The following PCGF5 variants were observed in gnomAD, a reference collection of about 807,000 sequenced individuals.
PCGF5 encodes the protein polycomb group RING finger protein 5.
PCGF5 carries 9 observed loss-of-function variants against 44.3 expected under a neutral mutation model. The ratio of observed to expected loss-of-function variants is 0.20; its 90% CI spans 0.12 to 0.35. PCGF5 has a LOEUF of 0.35. Among genes scored for constraint, PCGF5 ranks in the 10% least tolerant of loss-of-function variants. PCGF5 has a pLI of 1.00. For missense variants in PCGF5, 146 were observed against 305.3 expected (o/e 0.48, Z 3.89); for synonymous variants, 95 against 102.5 (o/e 0.93, Z 0.44).
At chr10:91,167,439 G>GA (rs1376792560) in intron 1 of PCGF5, among the ~76,000 whole-genome samples, 7 of 152,096 alleles carry the variant, frequency 4.6e-5, no homozygotes, top group Non-Finnish European at 1.0e-4. Flanking sequence ...TTTCTAGCCA[G>GA]AAAAAAGGTA....
At chr10:91,266,164 A>G (rs2133431416) in intron 8 of PCGF5, among the ~76,000 whole-genome samples, 1 of 152,264 alleles carries the variant, frequency 6.6e-6, no homozygotes, top group East Asian at 1.9e-4. Context: ...ATTGTGTTGA[A>G]TGTAACTTCA....
chr10:91,170,823 A>C (rs1331643173), intron 1 of PCGF5, among the ~76,000 whole-genome samples: 1 of 152,240 alleles, frequency 6.6e-6, no homozygotes, highest in African/African-American at 2.4e-5. Context: ...TGTTTATAGT[A>C]GCTTTCTTCA....
intron 2 of PCGF5, among the ~76,000 whole-genome samples, chr10:91,237,899 C>T (rs1337807906): frequency 6.6e-6 from 1 of 152,100 alleles, no homozygotes; most frequent in Non-Finnish European, 1.5e-5. Context: ...AATAAACTCA[C>T]CTCTTGATAG....
chr10:91,275,607 A>ATTTTTTTTTT (rs72439811), intron 9 of PCGF5, among the ~76,000 whole-genome samples: 2 of 128,866 alleles, frequency 1.6e-5, no homozygotes, highest in Admixed American at 7.9e-5. Context: ...TGCCCGGCTA[A>ATTTTTTTTTT]TTTTTTTTTT....
intron 1 of PCGF5, among the ~76,000 whole-genome samples, chr10:91,182,349 G>A (rs545137785): frequency 3.3e-5 from 5 of 152,194 alleles, no homozygotes; most frequent in African/African-American, 1.2e-4. Context: ...TAAGCATAGA[G>A]GTGTTTATAA....
intron 2 of PCGF5, chr10:91,227,778 TCA>T: frequency 1.0e-6 from 1 of 994,642 alleles, no homozygotes; most frequent in Non-Finnish European, 1.2e-6. Flanking sequence ...CACCTAACAC[TCA>T]CACATACAAA....
In PCGF5 at chr10:91,206,008, C is replaced by T. The variant is rs563709781; in HGVS notation, c.-183-16681C>T. On this transcript the variant is annotated intron_variant, in intron 1 of 9. Transcript: ENST00000614189. ...CTGCACTCCGACCTGGGTGACGGAC[C>T]GCGACTCTGTCAAAAAACAAACAAA... Among the ~76,000 whole-genome samples, 5 of 152,142 alleles carry T rather than the reference C, an allele frequency of 3.3e-5. No individual in the cohort carries two copies. The South Asian group carries it at 6.2e-4, about 19-fold the overall frequency.
At chr10:91,277,049 G>A (rs1846334261) in intron 9 of PCGF5, among the ~76,000 whole-genome samples, 1 of 152,194 alleles carries the variant, frequency 6.6e-6, no homozygotes, top group East Asian at 1.9e-4. Context: ...AACCCTGAGA[G>A]ACTGTCTTGA....
At chr10:91,216,838 G>T (rs926416940), upstream of PCGF5, among the ~76,000 whole-genome samples, 1 of 152,134 alleles carries the variant, frequency 6.6e-6, no homozygotes, top group Non-Finnish European at 1.5e-5. Flanking sequence ...GGCAAACATA[G>T]ATTTAGAGTT....
rs542091578 is a variant in PCGF5, at chr10:91,243,057, G to A, written c.209+2477G>A. On this transcript the variant is annotated intron_variant, in intron 3 of 9. Coordinates refer to ENST00000336126, the MANE Select transcript of PCGF5 (RefSeq NM_032373.5). Reference sequence around the variant, plus strand: ...CAGCTGGGATAGCTCCTCATGATAGGTTCTCAGTAAACACTTTTTAAAGGA... The same window carrying A: ...CAGCTGGGATAGCTCCTCATGATAGATTCTCAGTAAACACTTTTTAAAGGA... 4.6e-5 allele frequency among the ~76,000 whole-genome samples: 7 copies of A among 152,218 alleles called. No homozygotes were observed. The South Asian group carries it at 1.0e-3, about 23-fold the overall frequency.
At chr10:91,177,856 G>A (rs950615778) in intron 1 of PCGF5, among the ~76,000 whole-genome samples, 12 of 152,296 alleles carry the variant, frequency 7.9e-5, no homozygotes, top group African/African-American at 2.6e-4. Flanking sequence ...GTGCTTCCTG[G>A]GTGAGGCGAT....
rs995096533 is a variant in PCGF5, at chr10:91,208,386, G to A, written c.-183-14303G>A. On this transcript the variant is annotated intron_variant, in intron 1 of 9. Transcript: ENST00000614189. ...ATCTGGGGAGAGAAATACCTAATCC[G>A]GGAGTAAGAGACATTTTTAGTCCAT... Among the ~76,000 whole-genome samples, 4 of 152,032 alleles carry A rather than the reference G, an allele frequency of 2.6e-5. No individual in the cohort carries two copies. In the South Asian group the frequency reaches 6.2e-4, roughly 24 times the overall value.
At chr10:91,231,059 TTTAA>T (rs1234169411) in intron 2 of PCGF5, among the ~76,000 whole-genome samples, 1 of 152,196 alleles carries the variant, frequency 6.6e-6, no homozygotes, top group Non-Finnish European at 1.5e-5. Context: ...CCTAACTTAC[TTTAA>T]TTGTCAAAAA....
intron 3 of PCGF5, among the ~76,000 whole-genome samples, chr10:91,240,927 G>A (rs972403396): frequency 4.0e-5 from 6 of 151,174 alleles, no homozygotes; most frequent in African/African-American, 1.5e-4. Context: ...CTAATATTAG[G>A]ACTGTTAATT....
upstream of PCGF5, among the ~76,000 whole-genome samples, chr10:91,218,734 GC>G (rs745518838): frequency 6.6e-6 from 1 of 152,070 alleles, no homozygotes; most frequent in Non-Finnish European, 1.5e-5. Context: ...CTAGGTTCAA[GC>G]GATTCTCCTG....
At chr10:91,269,395 A>T (rs1846122488) in intron 8 of PCGF5, among the ~76,000 whole-genome samples, 1 of 152,172 alleles carries the variant, frequency 6.6e-6, no homozygotes, top group African/African-American at 2.4e-5. Context: ...GTATTGTTTT[A>T]CAACTGATTT....
intron 1 of PCGF5, among the ~76,000 whole-genome samples, chr10:91,189,812 A>G (rs1048102009): frequency 6.6e-6 from 1 of 152,260 alleles, no homozygotes; most frequent in Non-Finnish European, 1.5e-5. Context: ...TAATATTTTC[A>G]TATTGAACAC....
At chr10:91,172,643 G>T (rs1843630585) in intron 1 of PCGF5, among the ~76,000 whole-genome samples, 1 of 152,204 alleles carries the variant, frequency 6.6e-6, no homozygotes, top group Non-Finnish European at 1.5e-5. Flanking sequence ...GCAAAAAGGT[G>T]TTGGTTACCC....
intron 1 of PCGF5, among the ~76,000 whole-genome samples, chr10:91,194,237 T>C (rs191778055): frequency 2.0e-5 from 3 of 152,266 alleles, no homozygotes; most frequent in African/African-American, 7.2e-5. Context: ...CATGTGATGG[T>C]TAAGATAACA....
Sources: gnomAD v4.1 joint callset for allele counts (sites outside exome capture counted in the v4.1 genomes callset) on GRCh38, gnomAD v4.1.1 for gene constraint, MANE v1.5 for transcripts, NCBI Gene and HGNC (gene_info 2026-07-23, HGNC 2026-07-21) for gene names.